Variants in MOCOS observed in about 807,000 individuals in gnomAD.
The protein encoded by MOCOS is molybdenum cofactor sulfurase.
A neutral mutation model predicts 83.6 loss-of-function variants in MOCOS; 86 were observed. The ratio of observed to expected loss-of-function variants is 1.03; its 90% CI spans 0.86 to 1.23. MOCOS has a LOEUF of 1.23. MOCOS is among the 50% of genes most tolerant of loss of function. The probability of loss-of-function intolerance (pLI) is 0.00; values close to 1 mark genes in which losing one functional copy is unlikely to be tolerated. For missense variants in MOCOS, 1,120 were observed against 1,126.9 expected, an observed-to-expected ratio of 0.99 and a Z score of 0.09; for synonymous variants, 445 against 434.7, an observed-to-expected ratio of 1.02 and a Z score of -0.29.
At chr18:36,189,326 A>G (rs2091355878) in intron 1 of MOCOS, among the ~76,000 whole-genome samples, 1 of 152,146 alleles carries the variant, frequency 6.6e-6, no homozygotes, top group Non-Finnish European at 1.5e-5. Flanking sequence ...ATTTAATGCA[A>G]GTTCCTTGTA....
chr18:36,245,680 G>T (rs1241732938), intron 9 of MOCOS, among the ~76,000 whole-genome samples: 1 of 152,190 alleles, frequency 6.6e-6, no homozygotes, highest in Non-Finnish European at 1.5e-5. Context: ...TCTCTAGTGA[G>T]ATCAGAGAAG....
At chr18:36,266,938 AT>A in intron 14 of MOCOS, 85 bp downstream of exon 14, 9 of 1,117,000 alleles carry the variant, frequency 8.1e-6, no homozygotes, top group Non-Finnish European at 1.2e-5. Context: ...GCACAGAGTT[AT>A]TTTTTTAAAT....
At chr18:36,244,023 C>T (rs1014125917) in intron 9 of MOCOS, among the ~76,000 whole-genome samples, 1 of 152,014 alleles carries the variant, frequency 6.6e-6, no homozygotes, top group South Asian at 2.1e-4. Flanking sequence ...CTTGGTTAAT[C>T]ACACTAATGA....
At chr18:36,218,177 C>T (rs1443203551) in intron 8 of MOCOS, among the ~76,000 whole-genome samples, 2 of 152,172 alleles carry the variant, frequency 1.3e-5, no homozygotes, top group African/African-American at 4.8e-5. Flanking sequence ...GGAAACTGCA[C>T]TTCAGAGACC....
intron 6 of MOCOS, among the ~76,000 whole-genome samples, chr18:36,207,328 T>C (rs1186452238): frequency 6.6e-6 from 1 of 152,210 alleles, no homozygotes; most frequent in African/African-American, 2.4e-5. Context: ...TAAGTCACCA[T>C]GCTTGGCCAA....
intron 9 of MOCOS, among the ~76,000 whole-genome samples, chr18:36,245,655 A>G (rs1443454597): frequency 1.3e-5 from 2 of 152,128 alleles, no homozygotes; most frequent in Non-Finnish European, 2.9e-5. Context: ...AGCTTTTTAT[A>G]TGTGGATGTC....
At chr18:36,237,711 C>G (rs576388225) in intron 9 of MOCOS, among the ~76,000 whole-genome samples, 2 of 152,090 alleles carry the variant, frequency 1.3e-5, no homozygotes, top group South Asian at 4.1e-4. Flanking sequence ...GTAATGGTAC[C>G]AGTTCCTCCT....
At chr18:36,250,756 C>T (rs576379335) in intron 10 of MOCOS, among the ~76,000 whole-genome samples, 2 of 152,164 alleles carry the variant, frequency 1.3e-5, no homozygotes, top group African/African-American at 2.4e-5. Context: ...AAACCAAACA[C>T]GTCAGTCCAT....
intron 9 of MOCOS, among the ~76,000 whole-genome samples, chr18:36,237,473 G>A (rs1050244738): frequency 6.6e-5 from 10 of 152,176 alleles, no homozygotes; most frequent in African/African-American, 1.2e-4. Context: ...TGCATCCCAG[G>A]GATGAAGCCC....
intron 6 of MOCOS, 47 bp downstream of exon 6, chr18:36,205,323 T>G (rs754271570): frequency 6.4e-7 from 1 of 1,569,198 alleles, no homozygotes; most frequent in East Asian, 2.2e-5. Flanking sequence ...CTCATCCTAG[T>G]TCCAGACGAG....
intron 11 of MOCOS, among the ~76,000 whole-genome samples, chr18:36,253,664 C>CA (rs56823164): frequency 0.012 from 1,471 of 124,032 alleles, 25 homozygotes; most frequent in African/African-American, 0.033. Flanking sequence ...GACTCTGTCT[C>CA]AAAAAAAAAA....
chr18:36,195,225 A>T (rs1457014953), intron 1 of MOCOS, 32 bp from the exon 2 acceptor site: 2 of 1,595,082 alleles, frequency 1.3e-6, no homozygotes, highest in Middle Eastern at 1.7e-4. Context: ...ATTCAGGTAA[A>T]ATTTTAGTAT....
chr18:36,255,813 G>A (rs1246172689), intron 11 of MOCOS, among the ~76,000 whole-genome samples: 2 of 152,024 alleles, frequency 1.3e-5, no homozygotes, highest in South Asian at 4.2e-4. Context: ...GATGGGAACT[G>A]GGTGATAGGG....
At chr18:36,251,311 G>A in intron 11 of MOCOS, 28 bp downstream of exon 11, 1 of 1,612,560 alleles carries the variant, frequency 6.2e-7, no homozygotes, top group Non-Finnish European at 8.5e-7. Context: ...GGTTCGTAGA[G>A]AACAGGAACC....
In MOCOS at chr18:36,238,937, T is replaced by C. The variant is rs1426510398; in HGVS notation, c.1961-9985T>C. The stretch of plus-strand genomic sequence containing the variant: ...CTTTGTTGGTTTAAAGTCTGTTTTA[T>C]CAGAGACTAGGATTGCAACCCCTGC... On this transcript the variant is annotated intron_variant, in intron 9 of 14. Transcript: ENST00000261326. Among the ~76,000 whole-genome samples the C allele has an allele frequency of 4.0e-5, 6 of 150,862 alleles. No individual in the cohort carries two copies. The East Asian group carries it at 1.2e-3, about 29-fold the overall frequency.
intron 9 of MOCOS, among the ~76,000 whole-genome samples, chr18:36,235,748 CA>C (rs1265761749): frequency 1.3e-5 from 2 of 150,800 alleles, no homozygotes; most frequent in Admixed American, 1.3e-4. Context: ...GTCCCAACAA[CA>C]GTGTAAAAGT....
Position 36,215,971 on chromosome 18 carries a change from A to G in MOCOS, c.1791A>G (p.Ala597=). The part of the protein sequence containing the change: ...LYLYPIKSCA[A]FEVTRWPVGN... ...TCTATCCAATCAAATCCTGTGCTGC[A>G]TTTGAGGTAAGGAATTTCACAGCAG... Residue 597 remains alanine, a synonymous_variant, in exon 8 of 15, where the codon GCA becomes GCG. Coordinates refer to ENST00000261326, the MANE Select transcript of MOCOS (RefSeq NM_017947.4). 1.1e-5 allele frequency: 18 copies of G among 1,612,352 alleles called. No individual in the cohort carries two copies. Among genetic ancestry groups the G allele is most frequent in the Non-Finnish European group, 1.5e-5 (18 of 1,179,736 alleles).
intron 13 of MOCOS, among the ~76,000 whole-genome samples, chr18:36,265,237 G>A (rs643300): frequency 0.26 from 40,270 of 152,142 alleles, 5,862 homozygotes; most frequent in Non-Finnish European, 0.32. Context: ...TGCAAGACAT[G>A]GATCATGAAA....
At chr18:36,194,648 A>G (rs778974038) in intron 1 of MOCOS, among the ~76,000 whole-genome samples, 19 of 152,138 alleles carry the variant, frequency 1.2e-4, no homozygotes, top group Non-Finnish European at 1.8e-4. Flanking sequence ...GTACCTGTGT[A>G]CCCTCCTACC....
Sources: gnomAD v4.1 joint callset for allele counts (sites outside exome capture counted in the v4.1 genomes callset) on GRCh38, gnomAD v4.1.1 for gene constraint, MANE v1.5 for transcripts, NCBI Gene and HGNC (gene_info 2026-07-23, HGNC 2026-07-21) for gene names.